The following PLXNA4 variants were observed in gnomAD, a reference collection of about 807,000 sequenced individuals.
PLXNA4 encodes plexin A4.
A neutral mutation model predicts 191.8 loss-of-function variants in PLXNA4; 44 were observed. The observed-to-expected ratio is 0.23, with a 90% CI of 0.18 to 0.29. PLXNA4 has a LOEUF of 0.29. Ranked by LOEUF, PLXNA4 falls within the 10% of genes least tolerant of loss-of-function variation. The pLI is 1.00. For synonymous variants in PLXNA4, 1,082 were observed against 1,009.5 expected (o/e 1.07, Z -1.36); for missense variants, 1,800 against 2,488.8 (o/e 0.72, Z 5.89).
chr7:132,277,092 C>T (rs1800309431), intron 4 of PLXNA4, among the ~76,000 whole-genome samples: 1 of 152,158 alleles, frequency 6.6e-6, no homozygotes, highest in African/African-American at 2.4e-5. Context: ...GAAGGAGTCA[C>T]TTGGCCCCTT....
intron 1 of PLXNA4, among the ~76,000 whole-genome samples, chr7:132,550,459 G>A (rs1474360422): frequency 6.6e-6 from 1 of 152,206 alleles, no homozygotes; most frequent in Non-Finnish European, 1.5e-5. Context: ...TCCAGGCTAG[G>A]ATTAACAGGG....
intron 1 of PLXNA4, among the ~76,000 whole-genome samples, chr7:132,569,268 A>G (rs1445891764): frequency 6.6e-6 from 1 of 152,208 alleles, no homozygotes; most frequent in East Asian, 1.9e-4. Flanking sequence ...GCTTGGTAAT[A>G]CACTATTTGT....
intron 1 of PLXNA4, among the ~76,000 whole-genome samples, chr7:132,540,359 G>A (rs1339180857): frequency 2.0e-5 from 3 of 152,074 alleles, no homozygotes; most frequent in Non-Finnish European, 4.4e-5. Flanking sequence ...TATTTAACAT[G>A]CAATTGCTTC....
chr7:132,330,576 G>A (rs1311999234), intron 3 of PLXNA4, among the ~76,000 whole-genome samples: 1 of 152,202 alleles, frequency 6.6e-6, no homozygotes, highest in Admixed American at 6.5e-5. Context: ...GCTAAGCCAG[G>A]GCATTGCACT....
chr7:132,203,689 C>T (rs906173741), intron 10 of PLXNA4, among the ~76,000 whole-genome samples: 1 of 152,214 alleles, frequency 6.6e-6, no homozygotes, highest in Non-Finnish European at 1.5e-5. Context: ...GCTCAAGGAG[C>T]AGATGGGAGC....
At chr7:132,196,027 AC>A (rs1262473978) in intron 13 of PLXNA4, among the ~76,000 whole-genome samples, 2 of 152,228 alleles carry the variant, frequency 1.3e-5, no homozygotes, top group Non-Finnish European at 2.9e-5. Context: ...GGTGTTTGAA[AC>A]AAAATAGAAA....
chr7:132,646,895 A>G (rs996540352), intron 1 of PLXNA4, among the ~76,000 whole-genome samples: 1 of 152,076 alleles, frequency 6.6e-6, no homozygotes, highest in Non-Finnish European at 1.5e-5. Flanking sequence ...ATACACACAC[A>G]TGCATTCACA....
chr7:132,427,367 C>G (rs963482262), intron 3 of PLXNA4, among the ~76,000 whole-genome samples: 6 of 152,182 alleles, frequency 3.9e-5, no homozygotes, highest in Admixed American at 1.3e-4. Context: ...AGACTAGGGT[C>G]TACAGCGCCC....
At chr7:132,480,213 G>T (rs1797284851) in intron 3 of PLXNA4, among the ~76,000 whole-genome samples, 1 of 152,204 alleles carries the variant, frequency 6.6e-6, no homozygotes. Context: ...GAAGGAAAAG[G>T]TAAGAATGGA....
In PLXNA4 at chr7:132,550,934, C is replaced by T. The variant is rs115989494; in HGVS notation, c.-87+25488G>A. Among the ~76,000 whole-genome samples, 789 of 152,310 alleles carry T rather than the reference C, an allele frequency of 5.2e-3. 5 individuals carry two copies. The highest frequency in any genetic ancestry group is 0.018 in the African/African-American group (763 of 41,570). ...CCCAGCTCCTCAAAAACAAGCCCCACCTCTTCCTTCTCCTGCATTCTCTCC... is the reference window on the plus strand; with the variant it reads ...CCCAGCTCCTCAAAAACAAGCCCCATCTCTTCCTTCTCCTGCATTCTCTCC... On this transcript the variant is annotated intron_variant, in intron 1 of 31. Transcript: ENST00000321063.
chr7:132,279,260 T>C (rs1251286740), intron 4 of PLXNA4, among the ~76,000 whole-genome samples: 1 of 152,158 alleles, frequency 6.6e-6, no homozygotes, highest in Admixed American at 6.5e-5. Flanking sequence ...AGGACTTCCA[T>C]CACTTGGGCT....
intron 1 of PLXNA4, among the ~76,000 whole-genome samples, chr7:132,517,848 C>T (rs757281003): frequency 9.8e-5 from 15 of 152,324 alleles, no homozygotes; most frequent in Non-Finnish European, 1.9e-4. Flanking sequence ...CAACAGGCCT[C>T]ATTTCCATTT....
At chr7:132,339,557 T>C (rs1490483085) in intron 3 of PLXNA4, among the ~76,000 whole-genome samples, 2 of 152,184 alleles carry the variant, frequency 1.3e-5, no homozygotes, top group Non-Finnish European at 1.5e-5. Context: ...ATGCAAGGCA[T>C]CAATAAAAAA....
At position 132,365,364 on chromosome 7, in the gene PLXNA4, T is replaced by TGCGCGCGCGTGCGTGCACGC. The variant is rs10690790; in HGVS notation, c.1372-67143_1372-67142insGCGTGCACGCACGCGCGCGC. 1.5e-3 allele frequency among the ~76,000 whole-genome samples: 223 copies of TGCGCGCGCGTGCGTGCACGC among 147,316 alleles called. 1 individual carries two copies. The highest frequency in any genetic ancestry group is 5.0e-3 in the African/African-American group (196 of 39,444). On this transcript the variant is annotated intron_variant, in intron 3 of 31. Transcript: ENST00000321063. The stretch of plus-strand genomic sequence containing the variant: ...GTGTGTGTGTGTGTGTGTGTGTGCG[T>TGCGCGCGCGTGCGTGCACGC]GCGCGCGCATGCATGGGGCAAGAGT...
At chr7:132,493,055 GAC>G (rs754077153) in intron 2 of PLXNA4, among the ~76,000 whole-genome samples, 8 of 152,326 alleles carry the variant, frequency 5.3e-5, no homozygotes, top group South Asian at 4.1e-4. Context: ...CTGGGAGGTG[GAC>G]ATGTAGAGAA....
At position 132,375,367 on chromosome 7, in the gene PLXNA4, C is replaced by T. The variant is rs184425182; in HGVS notation, c.1372-77145G>A. ...ACTTCTTCCTTAGGATCCAGAAACCCGGTTGTCCCCCAAGAGGTAGAAAAG... is the reference window on the plus strand; with the variant it reads ...ACTTCTTCCTTAGGATCCAGAAACCTGGTTGTCCCCCAAGAGGTAGAAAAG... On this transcript the variant is annotated intron_variant, in intron 3 of 31. Transcript: ENST00000321063. Among the ~76,000 whole-genome samples, 29 of 152,228 alleles carry T rather than the reference C, an allele frequency of 1.9e-4. No homozygotes were observed. The East Asian group carries it at 3.9e-3, about 20-fold the overall frequency.
chr7:132,508,538 A>C lies in PLXNA4; in HGVS notation c.156T>G (p.Asn52Lys), dbSNP rs745548422. ...TFRGEPAEGF[N>K]HLVVDERTGH... The stretch of plus-strand genomic sequence containing the variant: ...CTGTCCTCTCATCCACCACCAGGTG[A>C]TTGAAACCCTCGGCGGGCTCTCCTC... Residue 52 changes from asparagine to lysine, a missense_variant, in exon 2 of 32, where the codon AAT becomes AAG. By Grantham distance (94) the Asn-to-Lys change is moderately conservative (BLOSUM62 0). Around this residue, in one of 6 missense-constraint regions of PLXNA4, gnomAD observed 1,397 missense variants for 1,880.4 expected, o/e 0.74. Transcript: ENST00000321063. The surrounding 1 kb of genome is among the most constrained non-coding windows in gnomAD (Gnocchi z 4.4). The C allele has an allele frequency of 5.0e-6, 8 of 1,614,168 alleles. No individual in the cohort carries two copies. In the South Asian group the frequency reaches 8.8e-5, roughly 18 times the overall value.
chr7:132,563,112 C>T (rs1315205411), intron 1 of PLXNA4, among the ~76,000 whole-genome samples: 1 of 97,686 alleles, frequency 1.0e-5, no homozygotes, highest in Non-Finnish European at 2.2e-5. Flanking sequence ...CCTCCTCTCC[C>T]TCCTCCTCCT....
intron 3 of PLXNA4, among the ~76,000 whole-genome samples, chr7:132,368,610 A>G (rs1356967125): frequency 1.3e-5 from 2 of 152,208 alleles, no homozygotes; most frequent in Non-Finnish European, 2.9e-5. Flanking sequence ...TGCGGCTCAC[A>G]GCACCTGATG....
Sources: allele counts gnomAD v4.1 joint callset (sites outside exome capture counted in the v4.1 genomes callset), GRCh38; gene constraint gnomAD v4.1.1; regional missense constraint gnomAD v4.1.1; non-coding constraint Gnocchi (gnomAD v3.1); transcripts MANE v1.5; gene names NCBI Gene and HGNC (gene_info 2026-07-23, HGNC 2026-07-21).